The following CRYBA4 variants were observed in gnomAD, a reference collection of about 807,000 sequenced individuals.
CRYBA4 encodes crystallin beta A4, also known as beta-crystallin A4.
Under a neutral mutation model 31.7 loss-of-function variants are expected in CRYBA4, and 30 were observed. That is an observed-to-expected ratio of 0.95 (90% CI 0.71 to 1.28). The LOEUF is 1.28. Among genes scored for constraint, CRYBA4 ranks in the 50% most tolerant of loss-of-function variants. The probability of loss-of-function intolerance (pLI) is 0.00; values close to 1 mark genes in which losing one functional copy is unlikely to be tolerated. For missense variants in CRYBA4, 225 were observed against 260.7 expected (o/e 0.86, Z 0.94); for synonymous variants, 102 against 102.3 (o/e 1.00, Z 0.02).
At position 26,628,375 on chromosome 22, in the gene CRYBA4, C is replaced by G; in HGVS notation, c.388C>G (p.Gln130Glu). The change falls in exon 5 of 6, where the codon CAG becomes GAG. Residue 130 changes from glutamine (Q) to glutamate (E), a missense_variant. Coordinates refer to ENST00000354760, the MANE Select transcript of CRYBA4 (RefSeq NM_001886.3). ...GELSDDYPSL[Q>E]AMGWEGNEVG... ...GCTGAGCGATGACTATCCTTCCCTC[C>G]AGGCCATGGGATGGGAAGGCAATGA... The G allele has an allele frequency of 6.2e-7, 1 of 1,614,062 alleles. No individual in the cohort carries two copies. Among genetic ancestry groups the G allele is most frequent in the Non-Finnish European group, 8.5e-7 (1 of 1,180,014 alleles).
the CRYBA4 span, chr22:26,612,202 A>G: frequency 6.3e-7 from 1 of 1,592,420 alleles, no homozygotes; most frequent in African/African-American, 1.3e-5. Context: ...TGCAGGAGAG[A>G]AGCCCCCATG....
chr22:26,622,498 A>G, intron 1 of CRYBA4, 87 bp from the exon 2 acceptor site: 2 of 1,169,980 alleles, frequency 1.7e-6, no homozygotes, highest in South Asian at 2.4e-5. Flanking sequence ...CCCTATGTGG[A>G]TCCTGACCAG....
the CRYBA4 span, among the ~76,000 whole-genome samples, chr22:26,614,734 A>G: frequency 6.6e-6 from 1 of 152,192 alleles, no homozygotes; most frequent in Non-Finnish European, 1.5e-5. Context: ...GCTCACACCT[A>G]TAATTCCAGC....
chr22:26,591,863 G>A, the CRYBA4 span, among the ~76,000 whole-genome samples: 4 of 82,220 alleles, frequency 4.9e-5, no homozygotes, highest in East Asian at 3.3e-4. Context: ...AGTGTAGATC[G>A]CACCACTGCA....
At chr22:26,621,033 C>A (rs1387391894), upstream of CRYBA4, among the ~76,000 whole-genome samples, 3 of 152,044 alleles carry the variant, frequency 2.0e-5, no homozygotes, top group Non-Finnish European at 4.4e-5. Context: ...ATGCTGTTTT[C>A]CTATGCTTGT....
the CRYBA4 span, among the ~76,000 whole-genome samples, chr22:26,591,065 T>C: frequency 6.6e-6 from 1 of 152,228 alleles, no homozygotes; most frequent in Non-Finnish European, 1.5e-5. Flanking sequence ...CATATGTATA[T>C]ATTATCTGTT....
upstream of CRYBA4, among the ~76,000 whole-genome samples, chr22:26,621,373 C>T (rs781385400): frequency 6.6e-6 from 1 of 152,192 alleles, no homozygotes; most frequent in Non-Finnish European, 1.5e-5. Flanking sequence ...CCCAAGTTCC[C>T]ACCTCTGAAC....
At chr22:26,601,786 A>G in the CRYBA4 span, 13 of 1,591,018 alleles carry the variant, frequency 8.2e-6, no homozygotes, top group Non-Finnish European at 1.1e-5. Context: ...GGCCTTCTCT[A>G]GGAATCTGAT....
At chr22:26,609,203 TG>T in the CRYBA4 span, among the ~76,000 whole-genome samples, 1 of 152,202 alleles carries the variant, frequency 6.6e-6, no homozygotes, top group Non-Finnish European at 1.5e-5. Context: ...ACAAGGATGA[TG>T]GGCTATCACC....
At chr22:26,620,792 A>G (rs1929508723), upstream of CRYBA4, among the ~76,000 whole-genome samples, 1 of 151,900 alleles carries the variant, frequency 6.6e-6, no homozygotes, top group Non-Finnish European at 1.5e-5. Context: ...TGAACTCCTG[A>G]CCTCAGGTGA....
chr22:26,622,462 G>A (rs1448357325), intron 1 of CRYBA4, 123 bp from the exon 2 acceptor site: 10 of 802,602 alleles, frequency 1.2e-5, no homozygotes, highest in Admixed American at 1.8e-5. Flanking sequence ...GCCATGCATT[G>A]CCCCTAGCCC....
At chr22:26,624,606 G>A (rs1234382823) in intron 3 of CRYBA4, among the ~76,000 whole-genome samples, 5 of 152,192 alleles carry the variant, frequency 3.3e-5, no homozygotes, top group African/African-American at 7.2e-5. Context: ...GTGCAGGTGG[G>A]GAATGGGGGT....
intron 5 of CRYBA4, among the ~76,000 whole-genome samples, chr22:26,629,745 A>AAAAAAAAAAAAAAAAAAT: frequency 1.1e-5 from 1 of 93,820 alleles, no homozygotes; most frequent in Non-Finnish European, 2.0e-5. Flanking sequence ...AAAAAAAAAA[A>AAAAAAAAAAAAAAAAAAT]AAAAAAAAAA....
chr22:26,629,438 C>T (rs955641450), intron 5 of CRYBA4, among the ~76,000 whole-genome samples: 1 of 151,936 alleles, frequency 6.6e-6, no homozygotes, highest in African/African-American at 2.4e-5. Context: ...TTGTCCTGAA[C>T]AGAGTAGAAA....
At chr22:26,618,975 C>T (rs1311754433), upstream of CRYBA4, among the ~76,000 whole-genome samples, 2 of 152,176 alleles carry the variant, frequency 1.3e-5, no homozygotes, top group East Asian at 1.9e-4. Flanking sequence ...AATATGACTG[C>T]CTGTCCCAGA....
intron 4 of CRYBA4, among the ~76,000 whole-genome samples, chr22:26,627,618 CTCCT>C (rs372584157): frequency 0.079 from 10,015 of 126,972 alleles, 624 homozygotes; most frequent in Middle Eastern, 0.12. Context: ...TTCTCTCTCT[CTCCT>C]TCCTTCCTTC....
At chr22:26,599,737 C>T in the CRYBA4 span, 1 of 1,297,092 alleles carries the variant, frequency 7.7e-7, no homozygotes, top group Non-Finnish European at 1.1e-6. Flanking sequence ...ACCCAGACCC[C>T]TGCCAGACCA....
chr22:26,622,830 T>C lies in CRYBA4; in HGVS notation c.39+195T>C, dbSNP rs938842785. ...GGTCTTCTGGTTCCCAAAGTTGACC[T>C]GTTACACTCTTTGGCAGAGGTTGCA... On this transcript the variant is annotated intron_variant, in intron 2 of 5. Coordinates refer to ENST00000354760, the MANE Select transcript of CRYBA4 (RefSeq NM_001886.3). Among the ~76,000 whole-genome samples, 15 of 152,348 alleles carry C rather than the reference T, an allele frequency of 9.8e-5. No individual in the cohort carries two copies. In the East Asian group the frequency reaches 2.9e-3, roughly 29 times the overall value.
At chr22:26,590,554 T>C in the CRYBA4 span, among the ~76,000 whole-genome samples, 2 of 151,720 alleles carry the variant, frequency 1.3e-5, no homozygotes, top group Admixed American at 1.3e-4. Context: ...TTGGAGGGAG[T>C]TTTTGTGGAT....
Sources: allele counts gnomAD v4.1 joint callset (sites outside exome capture counted in the v4.1 genomes callset), GRCh38; gene constraint gnomAD v4.1.1; transcripts MANE v1.5; gene names NCBI Gene and HGNC (gene_info 2026-07-23, HGNC 2026-07-21).